The following ARNT variants were observed in gnomAD, a reference collection of about 807,000 sequenced individuals.
ARNT encodes class E basic helix-loop-helix protein 2.
A neutral mutation model predicts 105.0 loss-of-function variants in ARNT; 30 were observed. The observed-to-expected ratio is 0.29, with a 90% CI of 0.21 to 0.39. ARNT has a LOEUF of 0.39. Among genes scored for constraint, ARNT ranks in the 10% least tolerant of loss-of-function variants. ARNT has a pLI of 1.00. For missense variants in ARNT, 748 were observed against 978.7 expected (o/e 0.76, Z 3.15); for synonymous variants, 304 against 344.0 (o/e 0.88, Z 1.29).
intron 1 of ARNT, 41 bp downstream of exon 1, chr1:150,876,502 C>T (rs753339451): frequency 6.5e-7 from 1 of 1,547,696 alleles, no homozygotes; most frequent in Non-Finnish European, 8.7e-7. Context: ...GCCCCTTCGG[C>T]CCCTCCCCTT....
At chr1:150,855,616 A>T (rs1664459340) in intron 2 of ARNT, among the ~76,000 whole-genome samples, 2 of 151,798 alleles carry the variant, frequency 1.3e-5, no homozygotes, top group African/African-American at 4.8e-5. Flanking sequence ...ATATTTTTTT[A>T]AAGGGCCAGG....
At chr1:150,836,754 G>C (rs1660399102) in intron 6 of ARNT, among the ~76,000 whole-genome samples, 1 of 152,104 alleles carries the variant, frequency 6.6e-6, no homozygotes, top group South Asian at 2.1e-4. Flanking sequence ...AGAATAAAAA[G>C]GCTTGGGCTA....
rs752327066 is a variant in ARNT, at chr1:150,812,120, G to T, written c.2281-10C>A. 7 of 1,547,252 alleles carry T rather than the reference G, an allele frequency of 4.5e-6. No individual in the cohort carries two copies. The highest frequency in any genetic ancestry group is 2.5e-5 in the South Asian group (2 of 81,602). On this transcript the variant is annotated splice_polypyrimidine_tract_variant and intron_variant, in intron 21 of 21. Coordinates refer to ENST00000358595, the MANE Select transcript of ARNT (RefSeq NM_001668.4). Reference sequence around the variant, plus strand: ...GCATGGACAGCATCTCCTGATAAAAGAAAAAGATTAAGTTTGGGTCACACA... The same window carrying T: ...GCATGGACAGCATCTCCTGATAAAATAAAAAGATTAAGTTTGGGTCACACA...
intron 13 of ARNT, among the ~76,000 whole-genome samples, chr1:150,826,148 C>T (rs1156582162): frequency 1.3e-5 from 2 of 152,134 alleles, no homozygotes; most frequent in Non-Finnish European, 2.9e-5. Context: ...CTCCTGGCCT[C>T]AAGTGATCCA....
chr1:150,850,178 G>A (rs753397880), intron 3 of ARNT, among the ~76,000 whole-genome samples: 8 of 152,176 alleles, frequency 5.3e-5, no homozygotes, highest in Admixed American at 1.3e-4. Flanking sequence ...ACGAGGTCAA[G>A]AGATCGAGAC....
chr1:150,829,872 C>A, intron 11 of ARNT, 32 bp downstream of exon 11: 1 of 1,608,130 alleles, frequency 6.2e-7, no homozygotes. Context: ...TCTAATTGAA[C>A]GGGAATATAG....
intron 5 of ARNT, 135 bp downstream of exon 5, chr1:150,842,289 C>G: frequency 7.4e-7 from 1 of 1,359,054 alleles, no homozygotes; most frequent in East Asian, 2.7e-5. Context: ...ACTCAAACTT[C>G]TAAAAAATCT....
intron 1 of ARNT, among the ~76,000 whole-genome samples, chr1:150,862,075 T>C (rs587605454): frequency 7.9e-5 from 12 of 152,270 alleles, no homozygotes; most frequent in Admixed American, 7.2e-4. Flanking sequence ...TATTCTGAAC[T>C]TTTTCCCTTC....
In ARNT at chr1:150,876,524, C is replaced by T. The variant is rs1025113958; in HGVS notation, c.25+19G>A. On this transcript the variant is annotated intron_variant, in intron 1 of 21. Transcript: ENST00000358595. ...CGGCCCCTCCCCTTTAGAGGCGCCCCAGTCCTCCGTCTCCTCACCGGGGTT... is the reference window on the plus strand; with the variant it reads ...CGGCCCCTCCCCTTTAGAGGCGCCCTAGTCCTCCGTCTCCTCACCGGGGTT... 6.4e-7 allele frequency: 1 copy of T among 1,551,088 alleles called. No homozygotes were observed. The highest frequency in any genetic ancestry group is 8.7e-7 in the Non-Finnish European group (1 of 1,147,836).
intron 3 of ARNT, among the ~76,000 whole-genome samples, chr1:150,850,265 C>G (rs1663081139): frequency 6.6e-6 from 1 of 151,550 alleles, no homozygotes; most frequent in South Asian, 2.1e-4. Flanking sequence ...ATCTCCCTCT[C>G]CCCACGGTCT....
At chr1:150,859,041 T>C (rs1665130917) in intron 1 of ARNT, among the ~76,000 whole-genome samples, 1 of 151,834 alleles carries the variant, frequency 6.6e-6, no homozygotes, top group African/African-American at 2.4e-5. Flanking sequence ...TATACATACA[T>C]AACAATATAC....
At chr1:150,874,783 A>T (rs746099908) in intron 1 of ARNT, among the ~76,000 whole-genome samples, 1 of 152,172 alleles carries the variant, frequency 6.6e-6, no homozygotes, top group Non-Finnish European at 1.5e-5. Context: ...AAAATTGCAG[A>T]AGCAAGCAGC....
intron 14 of ARNT, chr1:150,818,422 A>G (rs930708618): frequency 6.5e-6 from 1 of 154,322 alleles, no homozygotes; most frequent in Non-Finnish European, 1.4e-5. Flanking sequence ...ATTTTTCAAT[A>G]CTTTCCACAT....
chr1:150,876,598 C>T lies in ARNT; in HGVS notation c.-31G>A, dbSNP rs774564669. On this transcript the variant is annotated 5_prime_UTR_variant, in exon 1 of 22. Transcript: ENST00000358595. ...CAGATGCCACCGCCGCCGCGCCACCCCCCCCCCCAGTGGGAGGAGCCGCCG... is the reference window on the plus strand; with the variant it reads ...CAGATGCCACCGCCGCCGCGCCACCTCCCCCCCCAGTGGGAGGAGCCGCCG... 6.4e-6 allele frequency: 8 copies of T among 1,249,556 alleles called. No individual in the cohort carries two copies. In the Admixed American group the frequency reaches 1.3e-4, roughly 21 times the overall value. The allele number at this position is 1,249,556 out of a possible 1,614,324, so 77.4% of individuals were successfully genotyped here.
chr1:150,826,643 T>C, intron 12 of ARNT, 26 bp from the exon 13 acceptor site: 1 of 1,548,684 alleles, frequency 6.5e-7, no homozygotes, highest in South Asian at 1.2e-5. Context: ...AAGAGTAAGA[T>C]ATATACTTTT....
At chr1:150,831,945 A>C in intron 9 of ARNT, 42 bp from the exon 10 acceptor site, 1 of 1,277,974 alleles carries the variant, frequency 7.8e-7, no homozygotes, top group Non-Finnish European at 1.1e-6. Context: ...AAAAAAATCT[A>C]CCCGTAAAAC....
chr1:150,871,870 T>C (rs924855719), intron 1 of ARNT, among the ~76,000 whole-genome samples: 1 of 126,340 alleles, frequency 7.9e-6, no homozygotes, highest in Non-Finnish European at 1.6e-5. Flanking sequence ...ATCACGCCAT[T>C]GCACTCCAGC....
chr1:150,841,241 C>T (rs587628462), intron 5 of ARNT, among the ~76,000 whole-genome samples: 84 of 151,552 alleles, frequency 5.5e-4, no homozygotes, highest in African/African-American at 1.2e-3. Flanking sequence ...TGAGCCACTG[C>T]GCCCGGCCTG....
In ARNT at chr1:150,811,384, A is replaced by T. The variant is rs925879118; in HGVS notation, c.*637T>A. On this transcript the variant is annotated 3_prime_UTR_variant, in exon 22 of 22. Transcript: ENST00000358595. Reference sequence around the variant, plus strand: ...CTCTTTGAAAAGTACACAGAAAGACAAAGGTAAAATCGGGGACAAATTTTG... The same window carrying T: ...CTCTTTGAAAAGTACACAGAAAGACTAAGGTAAAATCGGGGACAAATTTTG... The T allele has an allele frequency of 8.6e-6, 2 of 233,676 alleles. No individual in the cohort carries two copies. Among genetic ancestry groups the T allele is most frequent in the African/African-American group, 4.4e-5 (2 of 45,340 alleles). The allele number at this position is 233,676 out of a possible 1,614,324, so 14.5% of individuals were successfully genotyped here. A position where few individuals can be genotyped will look rare whatever the true frequency, so the allele number is the denominator to read the frequency against.
Sources: allele counts gnomAD v4.1 joint callset (sites outside exome capture counted in the v4.1 genomes callset), GRCh38; gene constraint gnomAD v4.1.1; transcripts MANE v1.5; gene names NCBI Gene and HGNC (gene_info 2026-07-23, HGNC 2026-07-21).